ZNF385D: variants seen among roughly 807,000 people sequenced by gnomAD.
The protein encoded by ZNF385D is zinc finger protein 659.
In ZNF385D, 15 loss-of-function variants were observed where a neutral mutation model predicts 35.8. The ratio of observed to expected loss-of-function variants is 0.42; its 90% CI spans 0.28 to 0.64. ZNF385D has a LOEUF of 0.64. Ranked by LOEUF, ZNF385D falls within the 30% of genes least tolerant of loss-of-function variation. ZNF385D has a pLI of 0.23. For missense variants in ZNF385D, 474 were observed against 494.6 expected (o/e 0.96, Z 0.39); for synonymous variants, 212 against 186.8 (o/e 1.13, Z -1.10).
intron 1 of ZNF385D, among the ~76,000 whole-genome samples, chr3:21,700,062 C>T (rs1418420587): frequency 6.6e-6 from 1 of 152,078 alleles, no homozygotes; most frequent in Non-Finnish European, 1.5e-5. Context: ...AAACTCCTGA[C>T]TTCAGGTGAT....
intron 2 of ZNF385D, among the ~76,000 whole-genome samples, chr3:22,257,974 T>G (rs1019611580): frequency 6.6e-6 from 1 of 151,844 alleles, no homozygotes; most frequent in Non-Finnish European, 1.5e-5. Context: ...CAAGTTGAGA[T>G]TGTACAACAA....
intron 3 of ZNF385D, among the ~76,000 whole-genome samples, chr3:22,131,094 C>G (rs1232697756): frequency 3.3e-5 from 5 of 152,002 alleles, no homozygotes; most frequent in Non-Finnish European, 7.4e-5. Flanking sequence ...CAGTTAAATT[C>G]ATGATGTTTG....
At chr3:21,736,146 A>G (rs1209820114) in intron 1 of ZNF385D, among the ~76,000 whole-genome samples, 1 of 152,194 alleles carries the variant, frequency 6.6e-6, no homozygotes, top group Admixed American at 6.5e-5. Context: ...TTTGTAAAAT[A>G]GAGATAATGA....
intron 3 of ZNF385D, among the ~76,000 whole-genome samples, chr3:21,782,686 G>A (rs911872413): frequency 6.6e-6 from 1 of 152,008 alleles, no homozygotes; most frequent in Non-Finnish European, 1.5e-5. Context: ...TTTTTCTTAG[G>A]ATTATTTGGA....
chr3:22,372,125 C>G (rs991702961), intron 2 of ZNF385D, among the ~76,000 whole-genome samples: 9 of 152,256 alleles, frequency 5.9e-5, no homozygotes, highest in African/African-American at 1.7e-4. Context: ...CCTCGCCCCC[C>G]CGCCTCGGCC....
At chr3:21,687,587 G>T (rs2067146681) in intron 1 of ZNF385D, among the ~76,000 whole-genome samples, 1 of 151,840 alleles carries the variant, frequency 6.6e-6, no homozygotes, top group Non-Finnish European at 1.5e-5. Flanking sequence ...TATTGTCCAG[G>T]GTTCATAGTT....
chr3:21,831,427 T>C (rs1324817708), intron 3 of ZNF385D, among the ~76,000 whole-genome samples: 2 of 152,218 alleles, frequency 1.3e-5, no homozygotes, highest in African/African-American at 4.8e-5. Flanking sequence ...ATTGATTCAG[T>C]GACAAATTAC....
chr3:21,821,561 A>C (rs1025132879), intron 3 of ZNF385D, among the ~76,000 whole-genome samples: 1 of 152,258 alleles, frequency 6.6e-6, no homozygotes, highest in African/African-American at 2.4e-5. Flanking sequence ...GCTTGCATGC[A>C]CATCTCACAT....
chr3:22,019,815 T>G (rs1174647300), intron 3 of ZNF385D, among the ~76,000 whole-genome samples: 1 of 151,810 alleles, frequency 6.6e-6, no homozygotes, highest in African/African-American at 2.4e-5. Flanking sequence ...TTGAAAATTA[T>G]TGAGAACCTT....
intron 3 of ZNF385D, among the ~76,000 whole-genome samples, chr3:21,871,255 G>A (rs1697676483): frequency 6.6e-6 from 1 of 152,054 alleles, no homozygotes; most frequent in South Asian, 2.1e-4. Context: ...ACTTTCTCCA[G>A]AGATCTGCTC....
intron 2 of ZNF385D, among the ~76,000 whole-genome samples, chr3:21,599,304 C>G (rs999972706): frequency 6.6e-6 from 1 of 152,020 alleles, no homozygotes; most frequent in African/African-American, 2.4e-5. Context: ...GTTTGTTTGG[C>G]AAATACCAAA....
chr3:22,242,377 C>A lies in ZNF385D; in HGVS notation c.107-73342G>T, dbSNP rs1034405964. ...ACTTATCAAAACACAGCTAGAGAAC[C>A]TGGCAAACATCACCTTAACCAAACG... On this transcript the variant is annotated intron_variant, in intron 2 of 5. Coordinates refer to the ZNF385D transcript ENST00000494108. Among the ~76,000 whole-genome samples, 4 of 150,980 alleles carry A rather than the reference C, an allele frequency of 2.6e-5. 1 individual carries two copies. The highest frequency in any genetic ancestry group is 9.8e-5 in the African/African-American group (4 of 40,792).
chr3:22,211,377 T>G (rs1697512298), intron 2 of ZNF385D, among the ~76,000 whole-genome samples: 1 of 151,962 alleles, frequency 6.6e-6, no homozygotes, highest in Admixed American at 6.6e-5. Flanking sequence ...TCTAGTTCCC[T>G]GAGCCCTCCT....
Position 21,851,084 on chromosome 3 carries a change from T to C in ZNF385D, c.326-186056A>G, listed in dbSNP as rs573214774. On this transcript the variant is annotated intron_variant, in intron 3 of 5. Coordinates refer to the ZNF385D transcript ENST00000494108. ...AAGGATTTTAAAACAGCTAATATTA[T>C]TACCATGTTTAAAATTTTAAGAAAA... Among the ~76,000 whole-genome samples the C allele has an allele frequency of 2.8e-5, 4 of 144,158 alleles. No individual in the cohort carries two copies. In the South Asian group the frequency reaches 9.0e-4, roughly 32 times the overall value. 94.6% of individuals were successfully genotyped at this position (144,158 alleles called of 152,430 possible). A position where few individuals can be genotyped will look rare whatever the true frequency, so the allele number is the denominator to read the frequency against.
Position 22,135,350 on chromosome 3 carries a change from A to T in ZNF385D, c.325+33467T>A, listed in dbSNP as rs543683442. Among the ~76,000 whole-genome samples the T allele has an allele frequency of 4.7e-4, 71 of 150,854 alleles. 2 individuals carry two copies. Among genetic ancestry groups the T allele is most frequent in the Admixed American group, 4.6e-3 (70 of 15,210 alleles). On this transcript the variant is annotated intron_variant, in intron 3 of 5. Transcript: ENST00000494108. ...TACACACATACCCCAACATACACACATAACTTATTTTTGTATACAAGCAAT... is the reference window on the plus strand; with the variant it reads ...TACACACATACCCCAACATACACACTTAACTTATTTTTGTATACAAGCAAT...
chr3:22,125,963 G>C (rs1325013583), intron 3 of ZNF385D, among the ~76,000 whole-genome samples: 1 of 152,012 alleles, frequency 6.6e-6, no homozygotes, highest in Non-Finnish European at 1.5e-5. Context: ...AATAACAGTG[G>C]TGACAGTGGG....
chr3:21,582,880 C>A (rs1428534621), intron 2 of ZNF385D, among the ~76,000 whole-genome samples: 1 of 152,136 alleles, frequency 6.6e-6, no homozygotes, highest in Non-Finnish European at 1.5e-5. Context: ...TAGGTTCAAG[C>A]AATTCTCCTG....
intron 2 of ZNF385D, among the ~76,000 whole-genome samples, chr3:22,287,273 G>C (rs1208545382): frequency 6.6e-6 from 1 of 151,912 alleles, no homozygotes; most frequent in East Asian, 1.9e-4. Flanking sequence ...AAGGAGAAAT[G>C]AGTCTCTTAA....
At chr3:22,044,336 A>G (rs1302035833) in intron 3 of ZNF385D, among the ~76,000 whole-genome samples, 2 of 152,114 alleles carry the variant, frequency 1.3e-5, no homozygotes, top group Non-Finnish European at 2.9e-5. Context: ...AATGTTTAGT[A>G]CATGTCCTAA....
Sources: gnomAD v4.1 joint callset for allele counts (sites outside exome capture counted in the v4.1 genomes callset) on GRCh38, gnomAD v4.1.1 for gene constraint, MANE v1.5 for transcripts, NCBI Gene and HGNC (gene_info 2026-07-23, HGNC 2026-07-21) for gene names.